Variants in MVB12A observed in about 807,000 individuals in gnomAD.
The protein encoded by MVB12A is CIN85/CD2AP family binding protein.
Under a neutral mutation model 34.3 loss-of-function variants are expected in MVB12A, and 30 were observed. The observed-to-expected ratio is 0.88, with a 90% CI of 0.65 to 1.19. The LOEUF (loss-of-function observed/expected upper bound fraction) is 1.19, where lower values mean the gene tolerates loss of function less well. Ranked by LOEUF, MVB12A falls within the 50% of genes most tolerant of loss-of-function variation. MVB12A has a pLI of 0.00. For missense variants in MVB12A, 355 were observed against 369.2 expected, an observed-to-expected ratio of 0.96 and a Z score of 0.31; for synonymous variants, 158 against 158.9, an observed-to-expected ratio of 0.99 and a Z score of 0.04.
Position 17,420,552 on chromosome 19 carries a change from C to T in MVB12A, c.204C>T (p.Asn68=). Residue 68 remains asparagine, a synonymous_variant, in exon 3 of 9, where the codon AAC becomes AAT. Coordinates refer to ENST00000317040, the MANE Select transcript of MVB12A (RefSeq NM_138401.4). ...SLGSLENPQE[N]VVADIQIVVD... ...TCCACCCCCAGAACCCGCAGGAGAACGTGGTGGCCGATATCCAGATCGTGG... is the reference window on the plus strand; with the variant it reads ...TCCACCCCCAGAACCCGCAGGAGAATGTGGTGGCCGATATCCAGATCGTGG... The T allele has an allele frequency of 6.2e-7, 1 of 1,613,822 alleles. No individual in the cohort carries two copies. The highest frequency in any genetic ancestry group is 2.2e-5 in the East Asian group (1 of 44,866).
At chr19:17,413,061 G>C (rs1400351093) in intron 2 of MVB12A, 1 of 151,638 alleles carries the variant, frequency 6.6e-6, no homozygotes, top group Non-Finnish European at 1.5e-5. Flanking sequence ...ATCATCTGGA[G>C]ATGTGTGAGG....
At chr19:17,424,848 CA>C in intron 8 of MVB12A, 82 bp from the exon 9 acceptor site, 1 of 1,194,346 alleles carries the variant, frequency 8.4e-7, no homozygotes, top group Non-Finnish European at 1.2e-6. Flanking sequence ...CCTAAGTACC[CA>C]CTCTGCCATT....
chr19:17,420,793 A>T, intron 3 of MVB12A, 159 bp downstream of exon 3: 1 of 638,144 alleles, frequency 1.6e-6, no homozygotes, highest in Non-Finnish European at 2.8e-6. Flanking sequence ...CCTAGGGTGG[A>T]CCGACATCCC....
chr19:17,413,966 C>T (rs551540784), intron 2 of MVB12A, among the ~76,000 whole-genome samples: 3 of 152,276 alleles, frequency 2.0e-5, no homozygotes, highest in East Asian at 3.9e-4. Context: ...ATGTCCCAAG[C>T]TCTCACTTCC....
chr19:17,421,420 G>A (rs1394567229), intron 3 of MVB12A, among the ~76,000 whole-genome samples: 1 of 151,824 alleles, frequency 6.6e-6, no homozygotes, highest in Non-Finnish European at 1.5e-5. Flanking sequence ...GTGACCTCAG[G>A]TGATCCACCT....
chr19:17,417,269 GC>G, upstream of MVB12A: 1 of 173,334 alleles, frequency 5.8e-6, no homozygotes, highest in East Asian at 1.5e-4. Context: ...GCCAGGGTTT[GC>G]GGATTTGATC....
intron 2 of MVB12A, among the ~76,000 whole-genome samples, chr19:17,406,605 C>T (rs1443110663): frequency 1.3e-5 from 2 of 151,964 alleles, no homozygotes; most frequent in African/African-American, 4.8e-5. Flanking sequence ...CTGGGGAACT[C>T]CCCCCAGGCC....
At chr19:17,406,179 C>G (rs1316758550) in exon 2 of MVB12A, 1 of 152,124 alleles carries the variant, frequency 6.6e-6, no homozygotes. Context: ...GAGACTGGAG[C>G]CAGCTGAAAA....
intron 2 of MVB12A, among the ~76,000 whole-genome samples, chr19:17,407,074 A>T (rs1304033308): frequency 1.3e-5 from 2 of 152,176 alleles, no homozygotes; most frequent in African/African-American, 4.8e-5. Flanking sequence ...TGCACATTGG[A>T]GGCCAGGGTG....
In MVB12A at chr19:17,425,044, C is replaced by T. The variant is rs2074862706; in HGVS notation, c.*51C>T. 1.0e-6 allele frequency: 1 copy of T among 964,112 alleles called. No homozygotes were observed. The highest frequency in any genetic ancestry group is 1.6e-6 in the Non-Finnish European group (1 of 618,794). 59.7% of individuals were successfully genotyped at this position (964,112 alleles called of 1,614,324 possible). On this transcript the variant is annotated 3_prime_UTR_variant, in exon 9 of 9. Transcript: ENST00000317040. ...CCCCTTACTCCACCTCCCCGCCAGC[C>T]TGGGGCCACCCCCCCTCACTGCATC...
chr19:17,410,495 T>TATATATATA (rs1252681143), intron 2 of MVB12A, among the ~76,000 whole-genome samples: 84 of 54,882 alleles, frequency 1.5e-3, no homozygotes, highest in African/African-American at 4.0e-3. Context: ...TGGTTTTAGC[T>TATATATATA]TCATATATAT....
At position 17,420,590 on chromosome 19, in the gene MVB12A, C is replaced by T. The variant is rs1378665555; in HGVS notation, c.242C>T (p.Pro81Leu). 6.2e-7 allele frequency: 1 copy of T among 1,613,920 alleles called. No individual in the cohort carries two copies. The highest frequency in any genetic ancestry group is 1.3e-5 in the African/African-American group (1 of 74,900). Reference sequence around the variant, plus strand: ...ATCCAGATCGTGGTGGACAAGAGCCCCCTGCCGCTGGGCTTCTCCCCCGTC... The same window carrying T: ...ATCCAGATCGTGGTGGACAAGAGCCTCCTGCCGCTGGGCTTCTCCCCCGTC... Reference protein sequence around the residue: ...ADIQIVVDKSPLPLGFSPVCD... With the variant: ...ADIQIVVDKSLLPLGFSPVCD... The change falls in exon 3 of 9, where the codon CCC (proline) becomes CTC (leucine). Residue 81 changes from proline to leucine, a missense_variant. Coordinates refer to ENST00000317040, the MANE Select transcript of MVB12A (RefSeq NM_138401.4).
chr19:17,420,016 C>CGGGGGGGGGGGGG, upstream of MVB12A: 2 of 290,400 alleles, frequency 6.9e-6, no homozygotes, highest in Non-Finnish European at 1.1e-5. Flanking sequence ...GCAATCTCCG[C>CGGGGGGGGGGGGG]CCCCCCCCCC....
At chr19:17,405,870 G>A (rs894169040) in intron 1 of MVB12A, 8 of 332,268 alleles carry the variant, frequency 2.4e-5, no homozygotes, top group Non-Finnish European at 4.0e-5. Context: ...TTAAGTCCCT[G>A]TGCCTCTGCT....
upstream of MVB12A, chr19:17,419,089 T>G (rs1370471089): frequency 6.6e-6 from 1 of 152,108 alleles, no homozygotes; most frequent in East Asian, 1.9e-4. Context: ...AAAGAAAATC[T>G]CCATTTTGTG....
chr19:17,420,374 G>T lies in MVB12A; in HGVS notation c.152G>T (p.Gly51Val), dbSNP rs746626401. Residue 51 changes from glycine to valine, a missense_variant, in exon 2 of 9, where the codon GGC becomes GTC. Gly to Val is a moderately radical substitution (Grantham distance 109). Coordinates refer to ENST00000317040, the MANE Select transcript of MVB12A (RefSeq NM_138401.4). ...GGCAAGAGCTTCGCGCAGAAATCTG[G>T]CTACTTCCTGTGCCTTAGTTCTCTG... ...SFGKSFAQKS[G>V]YFLCLSSLGS... 2 of 1,613,730 alleles carry T rather than the reference G, an allele frequency of 1.2e-6. No homozygotes were observed. The highest frequency in any genetic ancestry group is 1.7e-6 in the Non-Finnish European group (2 of 1,179,872).
chr19:17,422,165 T>G (rs1361488595), intron 3 of MVB12A, 167 bp from the exon 4 acceptor site: 5 of 509,952 alleles, frequency 9.8e-6, no homozygotes, highest in Non-Finnish European at 1.4e-5. Flanking sequence ...AATCCCCTCC[T>G]TCATCTATAC....
upstream of MVB12A, chr19:17,419,960 G>A (rs2074825034): frequency 2.5e-6 from 1 of 407,314 alleles, no homozygotes; most frequent in Non-Finnish European, 4.3e-6. Flanking sequence ...GCCTCCCCAC[G>A]CCATTGGCCA....
chr19:17,410,118 A>G (rs1160686462), intron 2 of MVB12A, among the ~76,000 whole-genome samples: 1 of 151,940 alleles, frequency 6.6e-6, no homozygotes, highest in Non-Finnish European at 1.5e-5. Context: ...AGAAACCACA[A>G]TTACTTTCGC....
Sources: allele counts gnomAD v4.1 joint callset (sites outside exome capture counted in the v4.1 genomes callset), GRCh38; gene constraint gnomAD v4.1.1; transcripts MANE v1.5; gene names NCBI Gene and HGNC (gene_info 2026-07-23, HGNC 2026-07-21).